Variants in CATSPERT observed in about 807,000 individuals in gnomAD.
CATSPERT encodes the protein catsper channel auxiliary subunit tau, also known as cation channel sperm-associated targeting subunit tau.
the CATSPERT span, among the ~76,000 whole-genome samples, chr2:201,606,898 CAAAA>C: frequency 1.7e-5 from 1 of 58,616 alleles, no homozygotes; most frequent in African/African-American, 6.5e-5. Context: ...GACTCTGTCT[CAAAA>C]AAAAAAAAAA....
the CATSPERT span, among the ~76,000 whole-genome samples, chr2:201,546,685 C>T: frequency 1.4e-4 from 22 of 151,990 alleles, no homozygotes; most frequent in Non-Finnish European, 2.2e-4. Flanking sequence ...TTGGAATGTA[C>T]GATGATGCAG....
chr2:201,599,370 A>T, the CATSPERT span, among the ~76,000 whole-genome samples: 1 of 150,782 alleles, frequency 6.6e-6, no homozygotes, highest in Non-Finnish European at 1.5e-5. Context: ...ATTTTTTTTT[A>T]GTTTGAAATA....
At chr2:201,566,230 T>A in the CATSPERT span, among the ~76,000 whole-genome samples, 2 of 152,042 alleles carry the variant, frequency 1.3e-5, no homozygotes, top group African/African-American at 4.8e-5. Flanking sequence ...TATTATACTT[T>A]AAGTTCTAGG....
chr2:201,507,265 C>T, the CATSPERT span, among the ~76,000 whole-genome samples: 49 of 151,962 alleles, frequency 3.2e-4, no homozygotes, highest in African/African-American at 1.1e-3. Flanking sequence ...TAAAAAGATC[C>T]CATTCACGTT....
chr2:201,617,883 C>G, the CATSPERT span, among the ~76,000 whole-genome samples: 5 of 152,098 alleles, frequency 3.3e-5, no homozygotes, highest in Non-Finnish European at 7.3e-5. Context: ...ACAACCCCAT[C>G]AAAAAGTGGG....
At chr2:201,549,190 T>C in the CATSPERT span, among the ~76,000 whole-genome samples, 30 of 152,268 alleles carry the variant, frequency 2.0e-4, no homozygotes, top group African/African-American at 7.0e-4. Flanking sequence ...TTTAAATCTA[T>C]GAGTTCAAAA....
chr2:201,576,962 T>C, the CATSPERT span, among the ~76,000 whole-genome samples: 156 of 152,292 alleles, frequency 1.0e-3, no homozygotes, highest in Admixed American at 3.9e-3. Flanking sequence ...GCTCAATATC[T>C]ATAGTCATCT....
chr2:201,577,947 A>C, the CATSPERT span, among the ~76,000 whole-genome samples: 1 of 152,234 alleles, frequency 6.6e-6, no homozygotes, highest in African/African-American at 2.4e-5. Context: ...CAGTGTATAC[A>C]TAGATCAAAA....
chr2:201,537,508 A>G, the CATSPERT span: 2 of 1,496,714 alleles, frequency 1.3e-6, no homozygotes, highest in Non-Finnish European at 1.8e-6. Context: ...GGGGTATTTT[A>G]TTTTACATAA....
At chr2:201,511,259 C>G in the CATSPERT span, among the ~76,000 whole-genome samples, 1 of 152,142 alleles carries the variant, frequency 6.6e-6, no homozygotes, top group Non-Finnish European at 1.5e-5. Context: ...TCTGATCCAA[C>G]GATTCTACTT....
the CATSPERT span, among the ~76,000 whole-genome samples, chr2:201,584,326 G>C: frequency 6.6e-6 from 1 of 151,860 alleles, no homozygotes; most frequent in Non-Finnish European, 1.5e-5. Flanking sequence ...ATAAAGATCA[G>C]AAGAATTACT....
the CATSPERT span, among the ~76,000 whole-genome samples, chr2:201,608,223 T>C: frequency 6.6e-6 from 1 of 152,096 alleles, no homozygotes; most frequent in Non-Finnish European, 1.5e-5. Flanking sequence ...TCATAGCTCG[T>C]TGTAGCCTCA....
the CATSPERT span, chr2:201,536,007 C>A: frequency 2.5e-6 from 4 of 1,612,332 alleles, no homozygotes; most frequent in Non-Finnish European, 3.4e-6. Context: ...TATACAGATA[C>A]TCCTCAAATT....
At chr2:201,606,189 A>G in the CATSPERT span, among the ~76,000 whole-genome samples, 9 of 152,252 alleles carry the variant, frequency 5.9e-5, no homozygotes, top group African/African-American at 1.9e-4. Flanking sequence ...CTGTATGTGG[A>G]TAGGACTCAC....
At chr2:201,570,908 T>A in the CATSPERT span, among the ~76,000 whole-genome samples, 10 of 152,230 alleles carry the variant, frequency 6.6e-5, no homozygotes, top group African/African-American at 2.4e-4. Flanking sequence ...TGTGGAGCCT[T>A]ACTTGATCAT....
chr2:201,580,011 C>T, the CATSPERT span, among the ~76,000 whole-genome samples: 1 of 152,048 alleles, frequency 6.6e-6, no homozygotes, highest in Non-Finnish European at 1.5e-5. Flanking sequence ...GCCACCACAC[C>T]TGGCTAATTC....
At chr2:201,588,581 G>C in the CATSPERT span, among the ~76,000 whole-genome samples, 1 of 141,902 alleles carries the variant, frequency 7.0e-6, no homozygotes, top group Non-Finnish European at 1.5e-5. Flanking sequence ...ACACTGAATG[G>C]GCAATGGTTC....
chr2:201,504,985 C>T, the CATSPERT span, among the ~76,000 whole-genome samples: 1 of 152,366 alleles, frequency 6.6e-6, no homozygotes, highest in East Asian at 1.9e-4. Flanking sequence ...TGTGAAGGCA[C>T]ACTGTAAACA....
the CATSPERT span, among the ~76,000 whole-genome samples, chr2:201,615,011 C>T: frequency 6.6e-6 from 1 of 151,690 alleles, no homozygotes; most frequent in Admixed American, 6.6e-5. Flanking sequence ...AAGAGCTATC[C>T]TAAATATGTA....
Sources: gnomAD v4.1 joint callset for allele counts (sites outside exome capture counted in the v4.1 genomes callset) on GRCh38, gnomAD v4.1.1 for gene constraint, MANE v1.5 for transcripts, NCBI Gene and HGNC (gene_info 2026-07-23, HGNC 2026-07-21) for gene names.